ZNF91: variants seen among roughly 807,000 people sequenced by gnomAD.
The protein encoded by ZNF91 is zinc finger protein 91.
Under a neutral mutation model 12.6 loss-of-function variants are expected in ZNF91, and 7 were observed. The observed-to-expected ratio is 0.55, with a 90% CI of 0.31 to 1.04. ZNF91 has a LOEUF of 1.04. Among genes scored for constraint, ZNF91 ranks in the 50% least tolerant of loss-of-function variants. The pLI is 0.05. For synonymous variants in ZNF91, 453 were observed against 462.6 expected (o/e 0.98, Z 0.27); for missense variants, 1,217 against 1,385.4 (o/e 0.88, Z 1.93).
intron 2 of ZNF91, among the ~76,000 whole-genome samples, 161 bp downstream of exon 2, chr19:23,374,477 G>A (rs1969424252): frequency 6.8e-6 from 1 of 146,730 alleles, no homozygotes; most frequent in Admixed American, 6.9e-5. Context: ...GGAGAATGGT[G>A]TGAACCTGGG....
intron 1 of ZNF91, among the ~76,000 whole-genome samples, chr19:23,380,087 T>C (rs114393270): frequency 0.012 from 1,759 of 151,502 alleles, 32 homozygotes; most frequent in African/African-American, 0.04. Context: ...AAGCCCCATC[T>C]CCACTAAAAA....
intron 2 of ZNF91, 51 bp from the exon 3 acceptor site, chr19:23,373,888 C>A: frequency 2.2e-6 from 3 of 1,373,512 alleles, no homozygotes; most frequent in Non-Finnish European, 3.0e-6. Context: ...TCTCCACCTG[C>A]CAACTTAGTA....
upstream of ZNF91, among the ~76,000 whole-genome samples, chr19:23,312,536 G>A (rs1967487319): frequency 2.0e-5 from 3 of 152,170 alleles, no homozygotes; most frequent in South Asian, 6.2e-4. Context: ...CTTGAACAAA[G>A]CCCATTATTG....
At chr19:23,346,010 C>T (rs188786943) in intron 3 of ZNF91, among the ~76,000 whole-genome samples, 9 of 152,200 alleles carry the variant, frequency 5.9e-5, no homozygotes, top group Admixed American at 4.6e-4. Context: ...CTTGCTCAGG[C>T]GCCACCTTTA....
intron 1 of ZNF91, among the ~76,000 whole-genome samples, chr19:23,378,006 G>A (rs907042131): frequency 6.6e-6 from 1 of 152,132 alleles, no homozygotes; most frequent in Admixed American, 6.5e-5. Context: ...AATATAGACA[G>A]ATGAGAGGGA....
Position 23,361,932 on chromosome 19 carries a change from G to C in ZNF91, c.1047C>G (p.Pro349=), listed in dbSNP as rs763508920. 3.1e-6 allele frequency: 5 copies of C among 1,613,102 alleles called. No individual in the cohort carries two copies. Among genetic ancestry groups the C allele is most frequent in the Non-Finnish European group, 4.2e-6 (5 of 1,179,598 alleles). ...CTTTGCCACATTCTTTACATTTGTA[G>C]GGTTTCTCTCCAGTATGAATTCTCT... The part of the protein sequence containing the change: ...KHKRIHTGEK[P]YKCKECGKAF... The change falls in exon 4 of 4, where the codon CCC becomes CCG. Residue 349 remains proline (P), a synonymous_variant. Coordinates refer to ENST00000300619, the MANE Select transcript of ZNF91 (RefSeq NM_003430.4).
chr19:23,360,197 G>C lies in ZNF91; in HGVS notation c.2782C>G (p.His928Asp), dbSNP rs556147333. 1 of 1,613,902 alleles carries C rather than the reference G, an allele frequency of 6.2e-7. No homozygotes were observed. The highest frequency in any genetic ancestry group is 1.7e-5 in the Admixed American group (1 of 60,020). The change falls in exon 4 of 4, where the codon CAT becomes GAT. Residue 928 changes from histidine (H) to aspartate (D), a missense_variant. Transcript: ENST00000300619. ...AFSQPSHLTT[H>D]KRMHTGEKPY... ...TTCTCTCCAGTGTGCATCCTCTTAT[G>C]TGTAGTAAGGTGTGAAGGCTGGCTA...
chr19:23,367,860 G>A (rs1969076182), intron 3 of ZNF91, among the ~76,000 whole-genome samples: 1 of 152,122 alleles, frequency 6.6e-6, no homozygotes, highest in African/African-American at 2.4e-5. Context: ...TAAACCATAT[G>A]TGAAAATCTT....
intron 1 of ZNF91, chr19:23,326,530 T>C (rs1252202774): frequency 6.6e-6 from 1 of 152,162 alleles, no homozygotes; most frequent in African/African-American, 2.4e-5. Context: ...TTTCACCACA[T>C]TGGTCAGGCT....
At chr19:23,391,590 T>C (rs1489315722) in intron 1 of ZNF91, among the ~76,000 whole-genome samples, 2 of 152,214 alleles carry the variant, frequency 1.3e-5, no homozygotes, top group Non-Finnish European at 2.9e-5. Flanking sequence ...TTCAAGTTTT[T>C]ACATACATCT....
At chr19:23,341,959 A>G (rs1390805634) in intron 3 of ZNF91, among the ~76,000 whole-genome samples, 1 of 152,228 alleles carries the variant, frequency 6.6e-6, no homozygotes, top group Admixed American at 6.5e-5. Context: ...GGTACCCTCT[A>G]AGGAAAATCA....
intron 3 of ZNF91, among the ~76,000 whole-genome samples, chr19:23,346,486 T>A (rs530123577): frequency 6.6e-6 from 1 of 152,234 alleles, no homozygotes; most frequent in African/African-American, 2.4e-5. Flanking sequence ...TGAAAAACTT[T>A]CAGAAATCAC....
chr19:23,345,778 C>T (rs1968212671), intron 3 of ZNF91, among the ~76,000 whole-genome samples: 1 of 152,088 alleles, frequency 6.6e-6, no homozygotes, highest in African/African-American at 2.4e-5. Context: ...TCTTCCCAGT[C>T]AGCAGTATCC....
intron 1 of ZNF91, among the ~76,000 whole-genome samples, chr19:23,382,113 C>A: frequency 6.8e-6 from 1 of 146,056 alleles, no homozygotes; most frequent in Admixed American, 6.8e-5. Flanking sequence ...ATATATATTT[C>A]AAAAAAAGGG....
intron 3 of ZNF91, among the ~76,000 whole-genome samples, chr19:23,347,056 A>G (rs1968248030): frequency 6.6e-6 from 1 of 151,958 alleles, no homozygotes; most frequent in African/African-American, 2.4e-5. Flanking sequence ...CTTGGTTTGT[A>G]GATGGCAGCT....
upstream of ZNF91, among the ~76,000 whole-genome samples, chr19:23,314,214 C>T (rs1050595217): frequency 5.9e-5 from 9 of 152,178 alleles, no homozygotes; most frequent in African/African-American, 1.9e-4. Flanking sequence ...ATTCTGCGAA[C>T]AGGGGGAATT....
chr19:23,385,840 T>C (rs1969850037), intron 1 of ZNF91, among the ~76,000 whole-genome samples: 1 of 152,192 alleles, frequency 6.6e-6, no homozygotes, highest in African/African-American at 2.4e-5. Context: ...TATATATCCC[T>C]ATATATTATA....
At chr19:23,329,672 C>T (rs1967893055) in intron 1 of ZNF91, among the ~76,000 whole-genome samples, 1 of 152,180 alleles carries the variant, frequency 6.6e-6, no homozygotes, top group Admixed American at 6.5e-5. Context: ...TTAAATACTT[C>T]TGGTGATGAC....
rs1266709176 is a variant in ZNF91 at position 23,359,994 on chromosome 19, T to C, written c.2985A>G (p.Lys995=). 2.0e-5 allele frequency: 33 copies of C among 1,613,450 alleles called. No homozygotes were observed. Among genetic ancestry groups the C allele is most frequent in the Non-Finnish European group, 2.7e-5 (32 of 1,179,946 alleles). ...TAAATGCTTTGCCACATTCTTCACA[T>C]TTGTAGGGTTTCTCTCCAGTATGAA... is the stretch of plus-strand genomic sequence containing the variant. The part of the protein sequence containing the change: ...KIIHTGEKPY[K]CEECGKAFSQ... Residue 995 remains lysine, a synonymous_variant, in exon 4 of 4, where the codon AAA becomes AAG. Coordinates refer to ENST00000300619, the MANE Select transcript of ZNF91 (RefSeq NM_003430.4).
Sources: allele counts gnomAD v4.1 joint callset (sites outside exome capture counted in the v4.1 genomes callset), GRCh38; gene constraint gnomAD v4.1.1; transcripts MANE v1.5; gene names NCBI Gene and HGNC (gene_info 2026-07-23, HGNC 2026-07-21).